The following KPNA6 variants were observed in gnomAD, a reference collection of about 807,000 sequenced individuals.
The protein encoded by KPNA6 is importin subunit alpha-7.
KPNA6 carries 9 observed loss-of-function variants against 72.0 expected under a neutral mutation model. The observed-to-expected ratio is 0.13, with a 90% CI of 0.08 to 0.22. The LOEUF (loss-of-function observed/expected upper bound fraction) is 0.22. Among genes scored for constraint, KPNA6 ranks in the 10% least tolerant of loss-of-function variants. The pLI, the probability that KPNA6 is intolerant of heterozygous loss-of-function variation, is 1.00. For synonymous variants in KPNA6, 219 were observed against 242.1 expected (o/e 0.90, Z 0.89); for missense variants, 374 against 655.7 (o/e 0.57, Z 4.69).
At chr1:32,132,296 G>GTGTTT (rs915148252) in intron 1 of KPNA6, among the ~76,000 whole-genome samples, 21 of 151,270 alleles carry the variant, frequency 1.4e-4, no homozygotes, top group African/African-American at 4.4e-4. Context: ...AAGCATTAAA[G>GTGTTT]TGTTTTGTTT....
At chr1:32,154,745 A>G (rs1416994423) in intron 2 of KPNA6, 24 bp downstream of exon 2, 1 of 1,612,864 alleles carries the variant, frequency 6.2e-7, no homozygotes, top group Admixed American at 1.7e-5. Flanking sequence ...AGTATTCTCA[A>G]ACATACTATT....
At chr1:32,143,648 C>T (rs1410419488) in intron 1 of KPNA6, among the ~76,000 whole-genome samples, 1 of 149,018 alleles carries the variant, frequency 6.7e-6, no homozygotes, top group African/African-American at 2.5e-5. Flanking sequence ...TTTAAGTGTA[C>T]AATACAGTGG....
At chr1:32,150,404 A>C (rs1205035257) in intron 1 of KPNA6, among the ~76,000 whole-genome samples, 1 of 152,018 alleles carries the variant, frequency 6.6e-6, no homozygotes, top group Non-Finnish European at 1.5e-5. Flanking sequence ...ACGTGTTGGG[A>C]TTACAGGCTT....
Position 32,156,497 on chromosome 1 carries a change from T to A in KPNA6, c.139-356T>A, listed in dbSNP as rs376881100. ...CCAAGTTGGTTATTAAGTGACTAACTGGCAGCAGCGTATACAGCATGGAAT... is the reference window on the plus strand; with the variant it reads ...CCAAGTTGGTTATTAAGTGACTAACAGGCAGCAGCGTATACAGCATGGAAT... On this transcript the variant is annotated intron_variant, in intron 2 of 13. Transcript: ENST00000373625. Among the ~76,000 whole-genome samples the A allele has an allele frequency of 2.0e-5, 3 of 152,176 alleles. No homozygotes were observed. In the South Asian group the frequency reaches 6.2e-4, roughly 32 times the overall value.
At chr1:32,110,246 G>C (rs945884404) in intron 1 of KPNA6, among the ~76,000 whole-genome samples, 1 of 151,646 alleles carries the variant, frequency 6.6e-6, no homozygotes, top group East Asian at 1.9e-4. Context: ...TGTATTTTTA[G>C]TAGAGACAGG....
intron 1 of KPNA6, among the ~76,000 whole-genome samples, chr1:32,140,969 C>G (rs1641826102): frequency 6.6e-6 from 1 of 152,170 alleles, no homozygotes; most frequent in Admixed American, 6.5e-5. Context: ...ATTATTGTGT[C>G]TATCACTTGT....
Position 32,143,608 on chromosome 1 carries a change from G to C in KPNA6, c.5-10980G>C, listed in dbSNP as rs1008229758. On this transcript the variant is annotated intron_variant, in intron 1 of 13. Transcript: ENST00000373625. Reference sequence around the variant, plus strand: ...AAAAGAAAAGAAAAAAAAATTATTAGTGATAAAATATATGTAACAAAATTT... The same window carrying C: ...AAAAGAAAAGAAAAAAAAATTATTACTGATAAAATATATGTAACAAAATTT... Among the ~76,000 whole-genome samples the C allele has an allele frequency of 2.0e-5, 3 of 148,584 alleles. No homozygotes were observed. The East Asian group carries it at 5.9e-4, about 29-fold the overall frequency.
intron 1 of KPNA6, among the ~76,000 whole-genome samples, chr1:32,118,834 T>A (rs1316498203): frequency 6.6e-6 from 1 of 151,340 alleles, no homozygotes; most frequent in African/African-American, 2.4e-5. Flanking sequence ...AATAGGATTG[T>A]TACAGGAATT....
chr1:32,156,762 C>T (rs1415377522), intron 2 of KPNA6, 91 bp from the exon 3 acceptor site: 2 of 960,368 alleles, frequency 2.1e-6, no homozygotes, highest in Admixed American at 3.6e-5. Context: ...TCTAGTATAT[C>T]CTTGTCAGTT....
intron 2 of KPNA6, 91 bp downstream of exon 2, chr1:32,154,812 A>T: frequency 7.1e-7 from 1 of 1,403,418 alleles, no homozygotes; most frequent in Non-Finnish European, 9.9e-7. Context: ...TGCCCTGTAG[A>T]AAAGTAGCTT....
intron 13 of KPNA6, 71 bp from the exon 14 acceptor site, chr1:32,170,636 A>G (rs1466373413): frequency 1.0e-5 from 14 of 1,334,294 alleles, no homozygotes; most frequent in Non-Finnish European, 1.3e-5. Context: ...GGGAAGGAAA[A>G]ATAGGTAAAT....
At chr1:32,163,900 A>G (rs1478964245) in intron 10 of KPNA6, among the ~76,000 whole-genome samples, 1 of 152,254 alleles carries the variant, frequency 6.6e-6, no homozygotes, top group Non-Finnish European at 1.5e-5. Flanking sequence ...GTTACTTTGT[A>G]TATGTATATG....
Position 32,108,069 on chromosome 1 carries a change from AAAGCTGCCGCTG to A in KPNA6, c.-51_-40del, listed in dbSNP as rs1167920788. ...TACAGATCCGCCATATTGTCTACTG[AAAGCTGCCGCTG>A]AAGCTGCCGCCGTTGCCTCCGCCGC... is the stretch of plus-strand genomic sequence containing the variant. On this transcript the variant is annotated 5_prime_UTR_variant, in exon 1 of 14. Coordinates refer to ENST00000373625, the MANE Select transcript of KPNA6 (RefSeq NM_012316.5). The A allele has an allele frequency of 2.5e-6, 4 of 1,613,410 alleles. No homozygotes were observed. The highest frequency in any genetic ancestry group is 2.2e-5 in the South Asian group (2 of 91,016).
At chr1:32,148,267 GC>G (rs1285907767) in intron 1 of KPNA6, among the ~76,000 whole-genome samples, 1 of 151,562 alleles carries the variant, frequency 6.6e-6, no homozygotes, top group Non-Finnish European at 1.5e-5. Flanking sequence ...ACCATGCCTG[GC>G]TAATTGGTTT....
intron 1 of KPNA6, among the ~76,000 whole-genome samples, chr1:32,135,144 C>T (rs753985180): frequency 3.3e-5 from 5 of 152,120 alleles, no homozygotes; most frequent in African/African-American, 7.2e-5. Flanking sequence ...CTCAGCTCAC[C>T]GCAACCTCCA....
chr1:32,146,709 G>T (rs1046728195), intron 1 of KPNA6, among the ~76,000 whole-genome samples: 1 of 152,128 alleles, frequency 6.6e-6, no homozygotes, highest in African/African-American at 2.4e-5. Context: ...TTTAAATCAT[G>T]TAGGAAATGA....
rs368481062 is a variant in KPNA6 at position 32,167,222 on chromosome 1, A to G, written c.1170A>G (p.Ala390=). 7.4e-6 allele frequency: 12 copies of G among 1,613,972 alleles called. No homozygotes were observed. The highest frequency in any genetic ancestry group is 8.5e-6 in the Non-Finnish European group (10 of 1,179,988). ...TGTTGATCGAAATCCTTCAGAAAGCAGAGTTTCGTACAAGGAAAGAGGCAG... is the reference window on the plus strand; with the variant it reads ...TGTTGATCGAAATCCTTCAGAAAGCGGAGTTTCGTACAAGGAAAGAGGCAG... ...FPVLIEILQK[A]EFRTRKEAAW... Residue 390 remains alanine, a synonymous_variant, in exon 12 of 14, where the codon GCA becomes GCG. Coordinates refer to ENST00000373625, the MANE Select transcript of KPNA6 (RefSeq NM_012316.5).
At chr1:32,119,026 ATATATATT>A (rs1272934982) in intron 1 of KPNA6, among the ~76,000 whole-genome samples, 9 of 69,412 alleles carry the variant, frequency 1.3e-4, no homozygotes, top group African/African-American at 1.7e-4. Flanking sequence ...ATATATATAT[ATATATATT>A]TTTTTTTTTT....
intron 1 of KPNA6, among the ~76,000 whole-genome samples, chr1:32,119,028 A>ATTTTTTTTT (rs1197600051): frequency 1.1e-4 from 7 of 63,186 alleles, no homozygotes; most frequent in African/African-American, 2.4e-4. Context: ...ATATATATAT[A>ATTTTTTTTT]TATATTTTTT....
Sources: allele counts gnomAD v4.1 joint callset (sites outside exome capture counted in the v4.1 genomes callset), GRCh38; gene constraint gnomAD v4.1.1; transcripts MANE v1.5; gene names NCBI Gene and HGNC (gene_info 2026-07-23, HGNC 2026-07-21).